PSMG3: variants seen among roughly 807,000 people sequenced by gnomAD.
The protein encoded by PSMG3 is PAC-3.
In PSMG3, 4 loss-of-function variants were observed where a neutral mutation model predicts 7.9. The observed-to-expected ratio is 0.51, with a 90% CI of 0.25 to 1.16. The LOEUF (loss-of-function observed/expected upper bound fraction) is 1.16, where lower values mean the gene tolerates loss of function less well. Ranked by LOEUF, PSMG3 falls within the 50% of genes most tolerant of loss-of-function variation. The pLI is 0.15. For synonymous variants in PSMG3, 81 were observed against 69.8 expected (o/e 1.16, Z -0.80); for missense variants, 151 against 157.4 (o/e 0.96, Z 0.22).
intron 1 of PSMG3, 142 bp from the exon 2 acceptor site, chr7:1,567,992 T>G (rs1778806389): frequency 1.3e-5 from 9 of 716,264 alleles, no homozygotes; most frequent in Non-Finnish European, 2.1e-5. Context: ...CAACTGTGAC[T>G]CAGAGTTCTG....
intron 1 of PSMG3, 68 bp downstream of exon 1, chr7:1,569,056 C>T (rs986966254): frequency 2.1e-6 from 3 of 1,397,920 alleles, no homozygotes; most frequent in Non-Finnish European, 3.0e-6. Context: ...AAGCGATCTG[C>T]CCGCCTAGGC....
chr7:1,569,058 C>G, intron 1 of PSMG3, 66 bp downstream of exon 1: 1 of 1,413,888 alleles, frequency 7.1e-7, no homozygotes, highest in South Asian at 1.2e-5. Flanking sequence ...GCGATCTGCC[C>G]GCCTAGGCCT....
chr7:1,569,538 C>A lies in PSMG3; in HGVS notation c.-199G>T. 2.1e-6 allele frequency: 1 copy of A among 475,612 alleles called. No homozygotes were observed. Among genetic ancestry groups the A allele is most frequent in the Non-Finnish European group, 3.7e-6 (1 of 267,678 alleles). The allele number at this position is 475,612 out of a possible 1,614,324, so 29.5% of individuals were successfully genotyped here. The stretch of plus-strand genomic sequence containing the variant: ...ATCCCGGCACTTTGGGAGGCCGAGA[C>A]AGGACGATCGTTGAGGCCAGGAATT... On this transcript the variant is annotated 5_prime_UTR_variant, in exon 1 of 2. Coordinates refer to ENST00000288607, the MANE Select transcript of PSMG3 (RefSeq NM_032302.4).
Position 1,569,512 on chromosome 7 carries a change from C to T in PSMG3, c.-173G>A. ...GCCAGGCGCGGTGGCTCATGCCTGT[C>T]ATCCCGGCACTTTGGGAGGCCGAGA... On this transcript the variant is annotated 5_prime_UTR_variant, in exon 1 of 2. It removes an upstream start codon present in the reference 5' UTR. Coordinates refer to ENST00000288607, the MANE Select transcript of PSMG3 (RefSeq NM_032302.4). 2 of 555,902 alleles carry T rather than the reference C, an allele frequency of 3.6e-6. No homozygotes were observed. Among genetic ancestry groups the T allele is most frequent in the Non-Finnish European group, 3.2e-6 (1 of 317,400 alleles). 34.4% of individuals were successfully genotyped at this position (555,902 alleles called of 1,614,324 possible). A position where few individuals can be genotyped will look rare whatever the true frequency, so the allele number is the denominator to read the frequency against.
Position 1,569,371 on chromosome 7 carries a change from G to A in PSMG3, c.-32C>T. The stretch of plus-strand genomic sequence containing the variant: ...GCTCTGCAGTGGCAGCTTTAATTTA[G>A]GTTAAAAAGAAAGGGGAAAAAAAGG... On this transcript the variant is annotated 5_prime_UTR_variant, in exon 1 of 2. Coordinates refer to ENST00000288607, the MANE Select transcript of PSMG3 (RefSeq NM_032302.4). 1.3e-6 allele frequency: 2 copies of A among 1,531,428 alleles called. No homozygotes were observed. Among genetic ancestry groups the A allele is most frequent in the African/African-American group, 2.8e-5 (2 of 72,660 alleles). The allele number at this position is 1,531,428 out of a possible 1,614,324, so 94.9% of individuals were successfully genotyped here.
Position 1,567,523 on chromosome 7 carries a change from T to G in PSMG3, c.*175A>C. ...TTCCACCCTCCCCGTCATGCACAGA[T>G]GATCTTAGTAACCAGAGTAAGAGTC... On this transcript the variant is annotated 3_prime_UTR_variant, in exon 2 of 2. Coordinates refer to ENST00000288607, the MANE Select transcript of PSMG3 (RefSeq NM_032302.4). The G allele has an allele frequency of 1.7e-6, 1 of 590,996 alleles. No homozygotes were observed. 36.6% of individuals were successfully genotyped at this position (590,996 alleles called of 1,614,324 possible).
chr7:1,569,376 AAAAG>A lies in PSMG3; in HGVS notation c.-41_-38del, dbSNP rs777493296. 3.3e-6 allele frequency: 5 copies of A among 1,516,050 alleles called. No homozygotes were observed. Among genetic ancestry groups the A allele is most frequent in the Admixed American group, 3.9e-5 (2 of 50,646 alleles). 93.9% of individuals were successfully genotyped at this position (1,516,050 alleles called of 1,614,324 possible). Reference sequence around the variant, plus strand: ...GCAGTGGCAGCTTTAATTTAGGTTAAAAAGAAAGGGGAAAAAAAGGAGTCAATCA... The same window carrying A: ...GCAGTGGCAGCTTTAATTTAGGTTAAAAAGGGGAAAAAAAGGAGTCAATCA... On this transcript the variant is annotated 5_prime_UTR_variant, in exon 1 of 2. The change creates a premature stop within an existing upstream ORF in the 5' untranslated region. Transcript: ENST00000288607.
chr7:1,568,040 A>G (rs1033628363), intron 1 of PSMG3, among the ~76,000 whole-genome samples, 190 bp from the exon 2 acceptor site: 3 of 152,078 alleles, frequency 2.0e-5, no homozygotes, highest in Non-Finnish European at 4.4e-5. Context: ...GCACACTGCT[A>G]AAGACCATCA....
chr7:1,568,330 C>T (rs551680571), intron 1 of PSMG3, among the ~76,000 whole-genome samples: 1 of 152,050 alleles, frequency 6.6e-6, no homozygotes, highest in African/African-American at 2.4e-5. Context: ...TTGAGACCCA[C>T]AAATGCCCGG....
chr7:1,567,563 G>A lies in PSMG3; in HGVS notation c.*135C>T. ...GAGTAAGAGTCTGCCTGAGACACGA[G>A]TCTTTTTTCCTGGCTCCAAGGGCTA... is the stretch of plus-strand genomic sequence containing the variant. On this transcript the variant is annotated 3_prime_UTR_variant, in exon 2 of 2. Coordinates refer to ENST00000288607, the MANE Select transcript of PSMG3 (RefSeq NM_032302.4). 2 of 795,574 alleles carry A rather than the reference G, an allele frequency of 2.5e-6. No homozygotes were observed. Among genetic ancestry groups the A allele is most frequent in the Non-Finnish European group, 4.0e-6 (2 of 499,468 alleles). 49.3% of individuals were successfully genotyped at this position (795,574 alleles called of 1,614,324 possible).
chr7:1,567,413 G>A lies in PSMG3; in HGVS notation c.*285C>T, dbSNP rs139556142. 222 of 334,144 alleles carry A rather than the reference G, an allele frequency of 6.6e-4. No homozygotes were observed. In the East Asian group the frequency reaches 9.4e-3, roughly 14 times the overall value. 20.7% of individuals were successfully genotyped at this position (334,144 alleles called of 1,614,324 possible). On this transcript the variant is annotated 3_prime_UTR_variant, in exon 2 of 2. Coordinates refer to ENST00000288607, the MANE Select transcript of PSMG3 (RefSeq NM_032302.4). ...TGCACACGGGGGGGCCATGAGCCAC[G>A]CCTGCTGACTCATTCCTCCAATTCT... is the stretch of plus-strand genomic sequence containing the variant.
chr7:1,567,774 G>T lies in PSMG3; in HGVS notation c.293C>A (p.Ala98Asp). ...QEAGNRAVLLAVAVKDKSMEG... is the reference protein window; with the variant it reads ...QEAGNRAVLLDVAVKDKSMEG... Reference sequence around the variant, plus strand: ...CATGCTTTTGTCCTTCACGGCCACGGCGAGGAGGACTGCTCTGTTTCCAGC... The same window carrying T: ...CATGCTTTTGTCCTTCACGGCCACGTCGAGGAGGACTGCTCTGTTTCCAGC... Residue 98 changes from alanine (A) to aspartate (D), a missense_variant, in exon 2 of 2, where the codon GCC becomes GAC. Transcript: ENST00000288607. 1.2e-6 allele frequency: 2 copies of T among 1,614,142 alleles called. No individual in the cohort carries two copies. The highest frequency in any genetic ancestry group is 2.2e-5 in the East Asian group (1 of 44,884).
rs763291710 is a variant in PSMG3, at chr7:1,569,147, T to G, written c.193A>C (p.Lys65Gln). Reference protein sequence around the residue: ...SDVSKPVLTTKVLLGQDEPLI... With the variant: ...SDVSKPVLTTQVLLGQDEPLI... ...ACCTCATCCTGCCCCAGAAGGACTT[T>G]TGTGGTGAGCACAGGCTTGCTGACG... is the stretch of plus-strand genomic sequence containing the variant. The change falls in exon 1 of 2, where the codon AAA (lysine) becomes CAA (glutamine). Residue 65 changes from lysine (K) to glutamine (Q), a missense_variant. Coordinates refer to ENST00000288607, the MANE Select transcript of PSMG3 (RefSeq NM_032302.4). 1.9e-6 allele frequency: 3 copies of G among 1,613,526 alleles called. No homozygotes were observed. In the Admixed American group the frequency reaches 5.0e-5, roughly 27 times the overall value.
At chr7:1,568,951 CTCTA>C (rs900733400) in intron 1 of PSMG3, among the ~76,000 whole-genome samples, 169 bp downstream of exon 1, 1 of 152,038 alleles carries the variant, frequency 6.6e-6, no homozygotes, top group Non-Finnish European at 1.5e-5. Context: ...CCCAGCCTCT[CTCTA>C]TATATATATT....
At chr7:1,569,059 GC>G (rs1205039934) in intron 1 of PSMG3, 64 bp downstream of exon 1, 1 of 1,424,316 alleles carries the variant, frequency 7.0e-7, no homozygotes, top group Non-Finnish European at 9.8e-7. Context: ...CGATCTGCCC[GC>G]CTAGGCCTCT....
Position 1,567,716 on chromosome 7 carries a change from C to A in PSMG3, c.351G>T (p.Arg117=). The A allele has an allele frequency of 6.2e-7, 1 of 1,613,968 alleles. No homozygotes were observed. Among genetic ancestry groups the A allele is most frequent in the South Asian group, 1.1e-5 (1 of 91,046 alleles). ...EGLKALREVI[R]VCQVW is the part of the protein sequence containing the mutation. ...CTCCAGGTCACCACACCTGGCACAC[C>A]CGGATCACCTCCCTCAGCGCCTTCA... The change falls in exon 2 of 2, where the codon CGG becomes CGT. Residue 117 remains arginine (R), a synonymous_variant. Coordinates refer to ENST00000288607, the MANE Select transcript of PSMG3 (RefSeq NM_032302.4).
rs762781825 is a variant in PSMG3 at position 1,569,336 on chromosome 7, C to T, written c.4G>A (p.Glu2Lys). The T allele has an allele frequency of 1.2e-6, 2 of 1,602,748 alleles. No individual in the cohort carries two copies. Among genetic ancestry groups the T allele is most frequent in the South Asian group, 1.1e-5 (1 of 90,154 alleles). M[E>K]DTPLVISKQK... ...TTCGATATCACCAACGGCGTGTCTT[C>T]CATGGCGGGGCTCTGCAGTGGCAGC... is the stretch of plus-strand genomic sequence containing the variant. The change falls in exon 1 of 2, where the codon GAA becomes AAA. Residue 2 changes from glutamate to lysine, a missense_variant. By Grantham distance (56) the Glu-to-Lys change is moderately conservative. Transcript: ENST00000288607.
intron 1 of PSMG3, 134 bp from the exon 2 acceptor site, chr7:1,567,984 A>G: frequency 1.3e-6 from 1 of 751,976 alleles, no homozygotes. Context: ...AGTCCATGCA[A>G]CTGTGACTCA....
Position 1,567,640 on chromosome 7 carries a change from A to T in PSMG3, c.*58T>A, listed in dbSNP as rs367754033. The T allele has an allele frequency of 1.2e-5, 18 of 1,530,058 alleles. No individual in the cohort carries two copies. The African/African-American group carries it at 2.1e-4, about 18-fold the overall frequency. The allele number at this position is 1,530,058 out of a possible 1,614,324, so 94.8% of individuals were successfully genotyped here. ...GAGGGAGGTGAGACTTGAGTCCCTG[A>T]GTGGGTGTCTGGGTGTTCACGTGTC... is the stretch of plus-strand genomic sequence containing the variant. On this transcript the variant is annotated 3_prime_UTR_variant, in exon 2 of 2. Transcript: ENST00000288607.
Sources: gnomAD v4.1 joint callset for allele counts (sites outside exome capture counted in the v4.1 genomes callset) on GRCh38, gnomAD v4.1.1 for gene constraint, MANE v1.5 for transcripts, NCBI Gene and HGNC (gene_info 2026-07-23, HGNC 2026-07-21) for gene names.